The following STX8 variants were observed in gnomAD, a reference collection of about 807,000 sequenced individuals.
STX8 encodes syntaxin-8.
Under a neutral mutation model 37.5 loss-of-function variants are expected in STX8, and 23 were observed. The observed-to-expected ratio is 0.61, with a 90% CI of 0.44 to 0.87. STX8 has a LOEUF of 0.87. Ranked by LOEUF, STX8 falls within the 40% of genes least tolerant of loss-of-function variation. The pLI, the probability that STX8 is intolerant of heterozygous loss-of-function variation, is 0.00. For missense variants in STX8, 313 were observed against 284.7 expected, an observed-to-expected ratio of 1.10 and a Z score of -0.71; for synonymous variants, 115 against 99.1, an observed-to-expected ratio of 1.16 and a Z score of -0.95.
At chr17:9,252,609 CAAA>C (rs60037652) in intron 7 of STX8, among the ~76,000 whole-genome samples, 5 of 94,050 alleles carry the variant, frequency 5.3e-5, no homozygotes, top group Admixed American at 1.2e-4. Flanking sequence ...AACTCTGTCT[CAAA>C]AAAAAAAAAA....
At chr17:9,394,376 T>C (rs2142308466) in intron 6 of STX8, among the ~76,000 whole-genome samples, 1 of 151,922 alleles carries the variant, frequency 6.6e-6, no homozygotes. Context: ...ATTTATTTAT[T>C]TAAATTCATT....
intron 7 of STX8, among the ~76,000 whole-genome samples, chr17:9,325,111 T>G (rs1909712057): frequency 6.6e-6 from 1 of 152,168 alleles, no homozygotes; most frequent in Admixed American, 6.5e-5. Flanking sequence ...TGCACAACTG[T>G]GGGCTAATGT....
chr17:9,498,240 A>G (rs931114516), intron 5 of STX8, among the ~76,000 whole-genome samples: 1 of 152,062 alleles, frequency 6.6e-6, no homozygotes, highest in Non-Finnish European at 1.5e-5. Flanking sequence ...AAATACAAAT[A>G]TTAGCCAGAT....
At chr17:9,502,421 G>A (rs769790485) in intron 5 of STX8, among the ~76,000 whole-genome samples, 1 of 152,176 alleles carries the variant, frequency 6.6e-6, no homozygotes, top group South Asian at 2.1e-4. Context: ...AAATTGCTAA[G>A]AGAGTAGATT....
chr17:9,395,339 T>A, intron 6 of STX8, among the ~76,000 whole-genome samples: 1 of 152,158 alleles, frequency 6.6e-6, no homozygotes. Context: ...CAGTGGCTCA[T>A]GCCTCTAATC....
intron 7 of STX8, among the ~76,000 whole-genome samples, chr17:9,275,167 C>T (rs1433597279): frequency 6.6e-6 from 1 of 152,156 alleles, no homozygotes; most frequent in Non-Finnish European, 1.5e-5. Context: ...GATGACGCAA[C>T]CATCCTCTTG....
rs367949547 is a variant in STX8, at chr17:9,318,787, CCT to C, written c.643+59763_643+59764del. On this transcript the variant is annotated intron_variant, in intron 7 of 7. Transcript: ENST00000306357. ...TCATAAGGCATACCACTCTTGCCCCCCTGTTTTAGAAGGTTTAGAATATAGTT... is the reference window on the plus strand; with the variant it reads ...TCATAAGGCATACCACTCTTGCCCCCGTTTTAGAAGGTTTAGAATATAGTT... Among the ~76,000 whole-genome samples the C allele has an allele frequency of 2.9e-3, 437 of 152,214 alleles. 1 individual carries two copies. The highest frequency in any genetic ancestry group is 9.9e-3 in the African/African-American group (410 of 41,502).
chr17:9,470,216 G>A (rs1438319129), intron 6 of STX8, among the ~76,000 whole-genome samples: 3 of 152,188 alleles, frequency 2.0e-5, no homozygotes, highest in African/African-American at 7.2e-5. Flanking sequence ...AGAATGTCGT[G>A]TCTCTTCCCA....
At chr17:9,551,536 G>A (rs963678013) in intron 3 of STX8, among the ~76,000 whole-genome samples, 3 of 152,058 alleles carry the variant, frequency 2.0e-5, no homozygotes, top group Admixed American at 6.5e-5. Flanking sequence ...AATCCTTTAC[G>A]CCAGGTGGAC....
intron 6 of STX8, among the ~76,000 whole-genome samples, chr17:9,451,769 A>G (rs763275966): frequency 6.7e-6 from 1 of 149,482 alleles, no homozygotes; most frequent in African/African-American, 2.5e-5. Context: ...ATTCATATAT[A>G]CACAAAAATA....
chr17:9,369,886 C>CAAAAAAAAAAAA (rs60178482), intron 7 of STX8, among the ~76,000 whole-genome samples: 11 of 52,130 alleles, frequency 2.1e-4, no homozygotes, highest in African/African-American at 3.2e-4. Context: ...GACCCTGTAC[C>CAAAAAAAAAAAA]AAAAAAAAAA....
intron 7 of STX8, among the ~76,000 whole-genome samples, chr17:9,317,545 C>T (rs1043681533): frequency 1.3e-5 from 2 of 152,126 alleles, no homozygotes; most frequent in Admixed American, 1.3e-4. Flanking sequence ...GCGGGCAGAT[C>T]ACAAGGGCAG....
At chr17:9,407,528 G>A (rs1912843890) in intron 6 of STX8, among the ~76,000 whole-genome samples, 1 of 152,214 alleles carries the variant, frequency 6.6e-6, no homozygotes, top group African/African-American at 2.4e-5. Flanking sequence ...CCGTGTCACA[G>A]CCCTCAGGAG....
At chr17:9,559,757 TATA>T (rs1404690385) in intron 2 of STX8, among the ~76,000 whole-genome samples, 4 of 52,878 alleles carry the variant, frequency 7.6e-5, no homozygotes, top group African/African-American at 1.7e-4. Context: ...TATATATATA[TATA>T]TTTTTTTTTT....
chr17:9,322,724 T>C (rs1389047715), intron 7 of STX8, among the ~76,000 whole-genome samples: 3 of 150,276 alleles, frequency 2.0e-5, no homozygotes, highest in Non-Finnish European at 4.4e-5. Context: ...GGACAGGCCA[T>C]TTAAGAGGGC....
At chr17:9,414,127 C>A (rs1913092477) in intron 6 of STX8, among the ~76,000 whole-genome samples, 1 of 79,082 alleles carries the variant, frequency 1.3e-5, no homozygotes, top group Non-Finnish European at 2.9e-5. Context: ...TCCATCCATC[C>A]AACCATCCAT....
At chr17:9,529,049 C>G (rs6503226) in intron 4 of STX8, among the ~76,000 whole-genome samples, 152,202 of 152,336 alleles carry the variant, frequency 1, 76,034 homozygotes, top group Middle Eastern at 1. Flanking sequence ...AGAGGGAAAC[C>G]GTTACAGAAA....
At chr17:9,386,117 A>AAG (rs1912001909) in intron 6 of STX8, among the ~76,000 whole-genome samples, 1 of 151,836 alleles carries the variant, frequency 6.6e-6, no homozygotes, top group Admixed American at 6.6e-5. Flanking sequence ...AAAAAAAAAA[A>AAG]AAAAAGCCTG....
intron 7 of STX8, among the ~76,000 whole-genome samples, chr17:9,268,698 A>C (rs1405557297): frequency 6.6e-6 from 1 of 152,224 alleles, no homozygotes; most frequent in Admixed American, 6.5e-5. Context: ...GTAAAAACTC[A>C]GAGCCAGAAC....
Sources: allele counts gnomAD v4.1 joint callset (sites outside exome capture counted in the v4.1 genomes callset), GRCh38; gene constraint gnomAD v4.1.1; transcripts MANE v1.5; gene names NCBI Gene and HGNC (gene_info 2026-07-23, HGNC 2026-07-21).